The following PPIL2 variants were observed in gnomAD, a reference collection of about 807,000 sequenced individuals.
PPIL2 encodes the protein peptidylprolyl isomerase like 2.
A neutral mutation model predicts 75.2 loss-of-function variants in PPIL2; 50 were observed. The observed-to-expected ratio is 0.66, with a 90% CI of 0.53 to 0.84. The LOEUF (loss-of-function observed/expected upper bound fraction) is 0.84. PPIL2 is among the 40% of genes least tolerant of loss of function. The probability of loss-of-function intolerance (pLI) is 0.00; values close to 1 mark genes in which losing one functional copy is unlikely to be tolerated. For synonymous variants in PPIL2, 245 were observed against 258.8 expected (o/e 0.95, Z 0.51); for missense variants, 590 against 685.0 (o/e 0.86, Z 1.55).
intron 15 of PPIL2, among the ~76,000 whole-genome samples, chr22:21,690,973 T>TG (rs1025795503): frequency 1.4e-5 from 2 of 144,410 alleles, no homozygotes; most frequent in African/African-American, 5.3e-5. Flanking sequence ...TTTTTTTTTT[T>TG]TTTTTTTTGA....
In PPIL2 at chr22:21,695,037, A is replaced by G; in HGVS notation, c.1433A>G (p.Gln478Arg). The change falls in exon 19 of 20, where the codon CAG becomes CGG. Residue 478 changes from glutamine (Q) to arginine (R), a missense_variant. Physicochemically the swap from Gln to Arg is conservative, Grantham distance 43 (BLOSUM62 1). Transcript: ENST00000398831. ...AGCCAGGGCCCCCAGACCTTCCGCC[A>G]GGGCGTGGGCAAGTACATCAACCCA... ...AGSQGPQTFR[Q>R]GVGKYINPAA... 6.2e-7 allele frequency: 1 copy of G among 1,611,700 alleles called. No homozygotes were observed. Among genetic ancestry groups the G allele is most frequent in the East Asian group, 2.2e-5 (1 of 44,874 alleles).
Position 21,695,691 on chromosome 22 carries a change from T to C in PPIL2, c.*201T>C. The C allele has an allele frequency of 1.4e-6, 2 of 1,388,582 alleles. No homozygotes were observed. The highest frequency in any genetic ancestry group is 1.9e-6 in the Non-Finnish European group (2 of 1,069,038). 86.0% of individuals were successfully genotyped at this position (1,388,582 alleles called of 1,614,324 possible). A position where few individuals can be genotyped will look rare whatever the true frequency, so the allele number is the denominator to read the frequency against. On this transcript the variant is annotated 3_prime_UTR_variant, in exon 20 of 20. Coordinates refer to ENST00000398831, the MANE Select transcript of PPIL2 (RefSeq NM_014337.4). ...TGTTGCCAAGGGCCTTGGCCCTGTT[T>C]CCAGGACCTGGCCCAGCCAGAGCCC... is the stretch of plus-strand genomic sequence containing the variant.
intron 19 of PPIL2, 107 bp downstream of exon 19, chr22:21,695,177 C>T (rs368093471): frequency 3.1e-5 from 45 of 1,434,994 alleles, no homozygotes; most frequent in East Asian, 1.2e-4. Flanking sequence ...GCACTGGTCC[C>T]GGCCGTGGGC....
chr22:21,683,329 A>G (rs2067209492), intron 9 of PPIL2, 72 bp downstream of exon 9: 1 of 1,360,914 alleles, frequency 7.3e-7, no homozygotes, highest in East Asian at 2.3e-5. Context: ...CCCTGGGTAA[A>G]GCCCCCGCTT....
chr22:21,692,362 G>T (rs549803608), intron 15 of PPIL2, among the ~76,000 whole-genome samples: 70 of 151,402 alleles, frequency 4.6e-4, no homozygotes, highest in African/African-American at 7.2e-4. Context: ...CACCGTGTTA[G>T]CGAGGATGGT....
At chr22:21,680,064 G>C (rs1197645371) in intron 6 of PPIL2, among the ~76,000 whole-genome samples, 2 of 139,304 alleles carry the variant, frequency 1.4e-5, no homozygotes, top group African/African-American at 5.2e-5. Flanking sequence ...CTGCACTGCA[G>C]CCTGGGCAAC....
intron 6 of PPIL2, among the ~76,000 whole-genome samples, chr22:21,679,787 T>A (rs1206498320): frequency 4.0e-5 from 6 of 151,510 alleles, no homozygotes; most frequent in Admixed American, 2.6e-4. Context: ...GGATTTTTTT[T>A]AAGAAAAAGT....
At chr22:21,681,662 C>G (rs1669114) in intron 7 of PPIL2, among the ~76,000 whole-genome samples, 1 of 152,100 alleles carries the variant, frequency 6.6e-6, no homozygotes, top group African/African-American at 2.4e-5. Context: ...GAGGTCCTTC[C>G]GCGTCTTCAG....
intron 6 of PPIL2, among the ~76,000 whole-genome samples, chr22:21,675,413 G>A (rs1278482407): frequency 6.6e-6 from 1 of 152,224 alleles, no homozygotes. Flanking sequence ...GCGGGCGCCT[G>A]TAGTCCCAGC....
At chr22:21,693,537 C>G (rs1172914638) in intron 15 of PPIL2, among the ~76,000 whole-genome samples, 1 of 152,238 alleles carries the variant, frequency 6.6e-6, no homozygotes, top group East Asian at 1.9e-4. Context: ...CATGGCCAAC[C>G]TGGTTCTGGG....
At chr22:21,674,097 C>T (rs1295663320) in intron 5 of PPIL2, among the ~76,000 whole-genome samples, 1 of 152,298 alleles carries the variant, frequency 6.6e-6, no homozygotes, top group East Asian at 1.9e-4. Flanking sequence ...CCCCAGGAGG[C>T]TCCCGCTGTG....
chr22:21,669,743 G>A (rs1387584194), intron 1 of PPIL2, among the ~76,000 whole-genome samples, 170 bp from the exon 2 acceptor site: 8 of 152,216 alleles, frequency 5.3e-5, no homozygotes, highest in Middle Eastern at 3.4e-3. Flanking sequence ...CTAGTGATTC[G>A]CCTGCCTCGG....
intron 5 of PPIL2, among the ~76,000 whole-genome samples, chr22:21,672,715 G>C (rs1011952707): frequency 6.6e-6 from 1 of 152,274 alleles, no homozygotes; most frequent in East Asian, 1.9e-4. Context: ...AGTTTTGTGG[G>C]GACATTATGC....
At chr22:21,686,440 C>A (rs1215963043) in intron 10 of PPIL2, 43 bp from the exon 11 acceptor site, 1 of 1,583,244 alleles carries the variant, frequency 6.3e-7, no homozygotes, top group Non-Finnish European at 8.7e-7. Flanking sequence ...ACCCAACTGC[C>A]TCCCATGGCA....
At chr22:21,680,675 G>T (rs2067076488) in intron 6 of PPIL2, among the ~76,000 whole-genome samples, 1 of 149,974 alleles carries the variant, frequency 6.7e-6, no homozygotes, top group Non-Finnish European at 1.5e-5. Context: ...TAAAAATACA[G>T]AAAAATTAGC....
At chr22:21,679,178 G>T (rs1305987457) in intron 6 of PPIL2, among the ~76,000 whole-genome samples, 1 of 152,040 alleles carries the variant, frequency 6.6e-6, no homozygotes, top group Non-Finnish European at 1.5e-5. Context: ...TTACAGGTGT[G>T]AGCCACCGCG....
At chr22:21,677,692 C>G (rs536174652) in intron 6 of PPIL2, among the ~76,000 whole-genome samples, 25 of 73,960 alleles carry the variant, frequency 3.4e-4, no homozygotes, top group African/African-American at 1.1e-3. Flanking sequence ...CCCTGGGGAG[C>G]GGGAGCGGGA....
chr22:21,694,474 C>A, intron 16 of PPIL2, 119 bp from the exon 17 acceptor site: 1 of 1,134,870 alleles, frequency 8.8e-7, no homozygotes, highest in Non-Finnish European at 1.3e-6. Context: ...TGGCTGCTGC[C>A]CAAGGACCAC....
At chr22:21,690,042 A>G (rs997326293) in intron 15 of PPIL2, among the ~76,000 whole-genome samples, 1 of 151,990 alleles carries the variant, frequency 6.6e-6, no homozygotes, top group East Asian at 1.9e-4. Context: ...TGGCCCCTGC[A>G]TGTTACGAGC....
Sources: allele counts gnomAD v4.1 joint callset (sites outside exome capture counted in the v4.1 genomes callset), GRCh38; gene constraint gnomAD v4.1.1; transcripts MANE v1.5; gene names NCBI Gene and HGNC (gene_info 2026-07-23, HGNC 2026-07-21).